The following TEX14 variants were observed in gnomAD, a reference collection of about 807,000 sequenced individuals.
TEX14 encodes testis expressed 14, intercellular bridge forming factor, also known as inactive serine/threonine-protein kinase TEX14.
A neutral mutation model predicts 178.6 loss-of-function variants in TEX14; 168 were observed. The observed-to-expected ratio is 0.94, with a 90% confidence interval of 0.83 to 1.07. The LOEUF (loss-of-function observed/expected upper bound fraction) is 1.07. Ranked by LOEUF, TEX14 falls within the 50% of genes least tolerant of loss-of-function variation. The pLI is 0.00. For synonymous variants in TEX14, 626 were observed against 634.1 expected, an observed-to-expected ratio of 0.99 and a Z score of 0.19; for missense variants, 1,730 against 1,753.6, an observed-to-expected ratio of 0.99 and a Z score of 0.24.
At chr17:58,626,830 C>T (rs757550302) in intron 3 of TEX14, among the ~76,000 whole-genome samples, 5 of 152,226 alleles carry the variant, frequency 3.3e-5, no homozygotes, top group Middle Eastern at 3.4e-3. Flanking sequence ...AAGATCGCAC[C>T]ACTGCACTCC....
At chr17:58,679,565 A>G (rs1317843256) in intron 1 of TEX14, 1 of 152,248 alleles carries the variant, frequency 6.6e-6, no homozygotes, top group Non-Finnish European at 1.5e-5. Context: ...ACCACAAATT[A>G]TGCAATTAAG....
intron 1 of TEX14, among the ~76,000 whole-genome samples, chr17:58,668,720 G>A (rs2047253652): frequency 6.6e-6 from 1 of 152,132 alleles, no homozygotes; most frequent in Non-Finnish European, 1.5e-5. Flanking sequence ...ACACAGACAA[G>A]GGTGACATCT....
At chr17:58,578,159 T>C (rs1163528085) in intron 20 of TEX14, among the ~76,000 whole-genome samples, 3 of 152,066 alleles carry the variant, frequency 2.0e-5, no homozygotes, top group East Asian at 1.9e-4. Flanking sequence ...GGTGGTCTGG[T>C]AGACACTAAG....
rs527796425 is a variant in TEX14, at chr17:58,679,741, A to G, written c.-2+12198T>C. 2.0e-5 allele frequency: 3 copies of G among 152,270 alleles called. No homozygotes were observed. The South Asian group carries it at 6.2e-4, about 32-fold the overall frequency. 9.4% of individuals were successfully genotyped at this position (152,270 alleles called of 1,614,324 possible). Reference sequence around the variant, plus strand: ...CACCCTTAGATTCAAACCACTCTAAATATAGGATCATTTTTCTCATGTGCT... The same window carrying G: ...CACCCTTAGATTCAAACCACTCTAAGTATAGGATCATTTTTCTCATGTGCT... On this transcript the variant is annotated intron_variant, in intron 1 of 31. Transcript: ENST00000349033.
At chr17:58,602,055 T>C (rs2045465729) in intron 12 of TEX14, 99 bp from the exon 13 acceptor site, 1 of 1,303,778 alleles carries the variant, frequency 7.7e-7, no homozygotes, top group Non-Finnish European at 1.1e-6. Flanking sequence ...CTCCCTCTTA[T>C]TCCTGTTGGG....
chr17:58,576,838 T>C (rs539438734), intron 21 of TEX14, among the ~76,000 whole-genome samples: 2 of 152,360 alleles, frequency 1.3e-5, no homozygotes, highest in East Asian at 3.9e-4. Context: ...AGCCAAGTTG[T>C]TGCATGTATC....
rs1197511252 is a variant in TEX14, at chr17:58,611,219, C to A, written c.1126G>T (p.Val376Phe). 1 of 1,613,854 alleles carries A rather than the reference C, an allele frequency of 6.2e-7. No homozygotes were observed. Among genetic ancestry groups the A allele is most frequent in the Non-Finnish European group, 8.5e-7 (1 of 1,179,924 alleles). ...GCTTCACCTGGGGAGATGATATGGA[C>A]AGCATAGGAGCTGAGGGAGCGGTGG... Reference protein sequence around the residue: ...FIHRSLSSYAVHIISPGEARL... With the variant: ...FIHRSLSSYAFHIISPGEARL... The change falls in exon 10 of 32, where the codon GTC becomes TTC. Residue 376 changes from valine (V) to phenylalanine (F), a missense_variant. Val to Phe is a conservative substitution (Grantham distance 50, BLOSUM62 -1). Coordinates refer to ENST00000349033, the MANE Select transcript of TEX14 (RefSeq NM_031272.5).
intron 29 of TEX14, 24 bp from the exon 30 acceptor site, chr17:58,559,586 A>G (rs1486814321): frequency 1.8e-6 from 2 of 1,123,570 alleles, no homozygotes; most frequent in Non-Finnish European, 2.7e-6. Flanking sequence ...TATTTGGGGA[A>G]TCAAAACGTA....
intron 1 of TEX14, among the ~76,000 whole-genome samples, chr17:58,653,185 C>G (rs1023891044): frequency 4.6e-5 from 7 of 152,190 alleles, no homozygotes; most frequent in African/African-American, 1.4e-4. Flanking sequence ...ATCCGCCTGC[C>G]TCAGCCTCCC....
At chr17:58,664,295 G>A (rs1322599617) in intron 1 of TEX14, among the ~76,000 whole-genome samples, 1 of 152,160 alleles carries the variant, frequency 6.6e-6, no homozygotes, top group Admixed American at 6.6e-5. Flanking sequence ...AGGCCTCTAT[G>A]ATTATTTGTG....
intron 1 of TEX14, among the ~76,000 whole-genome samples, chr17:58,653,980 G>T (rs1031092548): frequency 3.3e-5 from 5 of 152,128 alleles, no homozygotes; most frequent in Non-Finnish European, 7.4e-5. Flanking sequence ...AGGAGATTGA[G>T]ACCATCCTGT....
At position 58,595,877 on chromosome 17, in the gene TEX14, A is replaced by G. The variant is rs188337213; in HGVS notation, c.2470-2216T>C. The stretch of plus-strand genomic sequence containing the variant: ...TGTTGCTACGCAGCAATAGATAACA[A>G]AATATAATATATAAAAGTTATTTCA... On this transcript the variant is annotated intron_variant, in intron 14 of 31. Coordinates refer to ENST00000349033, the MANE Select transcript of TEX14 (RefSeq NM_031272.5). Among the ~76,000 whole-genome samples, 5 of 152,380 alleles carry G rather than the reference A, an allele frequency of 3.3e-5. No individual in the cohort carries two copies. In the East Asian group the frequency reaches 5.8e-4, roughly 18 times the overall value.
At chr17:58,636,931 A>G (rs1448043456) in intron 2 of TEX14, among the ~76,000 whole-genome samples, 2 of 151,196 alleles carry the variant, frequency 1.3e-5, no homozygotes, top group East Asian at 1.9e-4. Flanking sequence ...AAGAAGAAAG[A>G]AAGATTTATT....
intron 3 of TEX14, among the ~76,000 whole-genome samples, chr17:58,625,507 T>C (rs1452144408): frequency 6.6e-6 from 1 of 152,196 alleles, no homozygotes; most frequent in Non-Finnish European, 1.5e-5. Context: ...TGATATTATT[T>C]CTCATTTCTC....
chr17:58,603,161 T>C (rs923790236), intron 11 of TEX14, among the ~76,000 whole-genome samples: 3 of 151,318 alleles, frequency 2.0e-5, no homozygotes, highest in African/African-American at 7.3e-5. Flanking sequence ...GAAACAATAG[T>C]GTCAGCAACA....
Position 58,585,816 on chromosome 17 carries a change from G to A in TEX14, c.3055C>T (p.Leu1019Phe). Residue 1019 changes from leucine (L) to phenylalanine (F), a missense_variant, in exon 18 of 32, where the codon CTT becomes TTT. Transcript: ENST00000349033. ...GTGAACTTACTGGTGAAGCTTCCAA[G>A]CCTGGGCTGTCTGCCATGCTGGTCA... Reference protein sequence around the residue: ...DSDQHGRQPRLGSFTSIRHPS... With the variant: ...DSDQHGRQPRFGSFTSIRHPS... 1 of 1,613,954 alleles carries A rather than the reference G, an allele frequency of 6.2e-7. No individual in the cohort carries two copies.
intron 1 of TEX14, among the ~76,000 whole-genome samples, chr17:58,656,492 A>C (rs1288272125): frequency 6.6e-6 from 1 of 152,038 alleles, no homozygotes; most frequent in Non-Finnish European, 1.5e-5. Context: ...ACAGTGGCTC[A>C]TGCCTGTAAT....
intron 1 of TEX14, among the ~76,000 whole-genome samples, chr17:58,659,013 T>C (rs1279522984): frequency 1.3e-5 from 2 of 150,512 alleles, no homozygotes. Flanking sequence ...GAGCATCTAA[T>C]TAAAACAGAC....
chr17:58,607,671 G>A (rs917013422), intron 10 of TEX14, among the ~76,000 whole-genome samples: 2 of 152,242 alleles, frequency 1.3e-5, no homozygotes, highest in Non-Finnish European at 2.9e-5. Context: ...AGCAAAAGGA[G>A]AAGAAACTGT....
Sources: gnomAD v4.1 joint callset for allele counts (sites outside exome capture counted in the v4.1 genomes callset) on GRCh38, gnomAD v4.1.1 for gene constraint, MANE v1.5 for transcripts, NCBI Gene and HGNC (gene_info 2026-07-23, HGNC 2026-07-21) for gene names.